WWOX: variants seen among roughly 807,000 people sequenced by gnomAD.
The protein encoded by WWOX is WW domain-containing oxidoreductase.
A neutral mutation model predicts 46.2 loss-of-function variants in WWOX; 69 were observed. The ratio of observed to expected loss-of-function variants is 1.49; its 90% CI spans 1.23 to 1.82. The LOEUF is 1.82. Among genes scored for constraint, WWOX ranks in the 40% most tolerant of loss-of-function variants. The pLI, the probability that WWOX is intolerant of heterozygous loss-of-function variation, is 0.00. For missense variants in WWOX, 919 were observed against 542.6 expected (o/e 1.69, Z -6.89); for synonymous variants, 359 against 202.6 (o/e 1.77, Z -6.56).
At chr16:78,625,113 C>G (rs1287235744) in intron 8 of WWOX, among the ~76,000 whole-genome samples, 1 of 152,224 alleles carries the variant, frequency 6.6e-6, no homozygotes, top group Non-Finnish European at 1.5e-5. Context: ...GAAGTCTTGG[C>G]TGCCATTCCT....
intron 8 of WWOX, among the ~76,000 whole-genome samples, chr16:79,176,669 C>G (rs568088757): frequency 8.6e-4 from 131 of 152,194 alleles, no homozygotes; most frequent in African/African-American, 2.9e-3. Flanking sequence ...CTTTTTCTTT[C>G]TGGCATAGTT....
intron 8 of WWOX, among the ~76,000 whole-genome samples, chr16:78,471,499 C>T (rs2084219586): frequency 6.6e-6 from 1 of 152,174 alleles, no homozygotes. Flanking sequence ...TCTTTTTCAC[C>T]AGCACCTTTT....
chr16:79,159,759 G>A (rs1347369633), intron 8 of WWOX, among the ~76,000 whole-genome samples: 3 of 152,186 alleles, frequency 2.0e-5, no homozygotes, highest in African/African-American at 7.2e-5. Flanking sequence ...TTACTCAGTC[G>A]AGAAAAATTT....
intron 1 of WWOX, 173 bp downstream of exon 1, chr16:78,100,058 C>G (rs2031656109): frequency 7.1e-7 from 1 of 1,405,438 alleles, no homozygotes; most frequent in African/African-American, 1.5e-5. Context: ...GGCCGGCCCC[C>G]TTGGTGGGCC....
intron 5 of WWOX, among the ~76,000 whole-genome samples, chr16:78,252,220 G>A (rs1297589791): frequency 6.6e-6 from 1 of 152,140 alleles, no homozygotes; most frequent in African/African-American, 2.4e-5. Flanking sequence ...TAGCAGATGG[G>A]TTAGAATGGA....
intron 6 of WWOX, among the ~76,000 whole-genome samples, chr16:78,423,769 C>A (rs8063754): frequency 6.6e-6 from 1 of 150,836 alleles, no homozygotes; most frequent in African/African-American, 2.4e-5. Context: ...TCGTCTGAGC[C>A]TGGGAGTTTG....
At chr16:78,681,546 CAA>C (rs35341099) in intron 8 of WWOX, among the ~76,000 whole-genome samples, 7 of 141,536 alleles carry the variant, frequency 4.9e-5, no homozygotes, top group Admixed American at 7.0e-5. Context: ...CCTCCATATA[CAA>C]AAAAAAAAAA....
chr16:78,613,562 C>T (rs569978426), intron 8 of WWOX, among the ~76,000 whole-genome samples: 1 of 152,116 alleles, frequency 6.6e-6, no homozygotes, highest in Non-Finnish European at 1.5e-5. Context: ...TGGAATTGAC[C>T]CATAGTGGGT....
chr16:78,321,277 A>AAT (rs61678042), intron 5 of WWOX, among the ~76,000 whole-genome samples: 11,966 of 75,242 alleles, frequency 0.16, 1,416 homozygotes, highest in African/African-American at 0.29. Context: ...TAGTTTTTTA[A>AAT]ATATATATAT....
intron 8 of WWOX, among the ~76,000 whole-genome samples, chr16:78,998,476 C>A (rs561001671): frequency 6.6e-6 from 1 of 152,252 alleles, no homozygotes; most frequent in East Asian, 1.9e-4. Flanking sequence ...CACTGAGGGA[C>A]TAAGAGAAAT....
chr16:78,369,580 G>T (rs929584918), intron 5 of WWOX, among the ~76,000 whole-genome samples: 1 of 152,012 alleles, frequency 6.6e-6, no homozygotes, highest in Admixed American at 6.6e-5. Flanking sequence ...TGAGGGGCTG[G>T]ACTGATTTCT....
intron 8 of WWOX, among the ~76,000 whole-genome samples, chr16:79,027,493 C>G (rs192530171): frequency 1.2e-3 from 177 of 151,836 alleles, no homozygotes; most frequent in Non-Finnish European, 1.8e-3. Context: ...TGAATAAGAA[C>G]TAATGACTTC....
rs563650899 is a variant in WWOX at position 79,044,610 on chromosome 16, C to T, written c.1057-166998C>T. Among the ~76,000 whole-genome samples the T allele has an allele frequency of 3.9e-5, 6 of 152,368 alleles. No individual in the cohort carries two copies. The South Asian group carries it at 8.3e-4, about 21-fold the overall frequency. On this transcript the variant is annotated intron_variant, in intron 8 of 8. Coordinates refer to ENST00000566780, the MANE Select transcript of WWOX (RefSeq NM_016373.4). Reference sequence around the variant, plus strand: ...CAGGCAGCTGCCAGTATCATGTTTCCTGTACAGCCTGTGGAACTATGAGCC... The same window carrying T: ...CAGGCAGCTGCCAGTATCATGTTTCTTGTACAGCCTGTGGAACTATGAGCC...
chr16:78,580,692 G>C (rs1199622521), intron 8 of WWOX, among the ~76,000 whole-genome samples: 2 of 152,174 alleles, frequency 1.3e-5, no homozygotes, highest in Non-Finnish European at 2.9e-5. Flanking sequence ...TGAAAAATTT[G>C]AAGTTAAAAT....
intron 8 of WWOX, among the ~76,000 whole-genome samples, chr16:78,558,882 G>A (rs577831008): frequency 1.3e-5 from 2 of 152,276 alleles, no homozygotes; most frequent in Admixed American, 1.3e-4. Context: ...TCTGAGTTGG[G>A]TACCTTGCAT....
At chr16:78,994,288 A>G (rs1325624797) in intron 8 of WWOX, 1 of 152,174 alleles carries the variant, frequency 6.6e-6, no homozygotes, top group Non-Finnish European at 1.5e-5. Flanking sequence ...AATTTTTAAG[A>G]AATGAACATC....
chr16:78,405,275 A>T (rs1426918292), intron 6 of WWOX, among the ~76,000 whole-genome samples: 1 of 152,168 alleles, frequency 6.6e-6, no homozygotes, highest in South Asian at 2.1e-4. Context: ...GCTGTGCTCC[A>T]CTCTGGGTAA....
intron 8 of WWOX, among the ~76,000 whole-genome samples, chr16:78,811,914 C>T (rs1209518311): frequency 6.6e-6 from 1 of 152,052 alleles, no homozygotes; most frequent in African/African-American, 2.4e-5. Context: ...ATAAGATATA[C>T]CTGTTAGGGT....
intron 8 of WWOX, among the ~76,000 whole-genome samples, chr16:78,955,834 A>C (rs1453625916): frequency 6.6e-6 from 1 of 151,428 alleles, no homozygotes. Flanking sequence ...TGTAAAGATG[A>C]GGTCTCACTA....
Sources: gnomAD v4.1 joint callset for allele counts (sites outside exome capture counted in the v4.1 genomes callset) on GRCh38, gnomAD v4.1.1 for gene constraint, MANE v1.5 for transcripts, NCBI Gene and HGNC (gene_info 2026-07-23, HGNC 2026-07-21) for gene names.